DAXX: variants seen among roughly 807,000 people sequenced by gnomAD.
DAXX encodes the protein death domain associated protein.
DAXX carries 24 observed loss-of-function variants against 61.9 expected under a neutral mutation model. That is an observed-to-expected ratio of 0.39 (90% CI 0.28 to 0.55). The LOEUF is 0.55. Ranked by LOEUF, DAXX falls within the 20% of genes least tolerant of loss-of-function variation. DAXX has a pLI of 0.69. For synonymous variants in DAXX, 357 were observed against 369.5 expected (o/e 0.97, Z 0.39); for missense variants, 819 against 935.3 (o/e 0.88, Z 1.62).
Position 33,321,831 on chromosome 6 carries a change from G to A in DAXX, c.95C>T (p.Ala32Val). 1.2e-6 allele frequency: 2 copies of A among 1,612,086 alleles called. No individual in the cohort carries two copies. Among genetic ancestry groups the A allele is most frequent in the Non-Finnish European group, 1.7e-6 (2 of 1,178,684 alleles). The change falls in exon 2 of 8, where the codon GCC becomes GTC. Residue 32 changes from alanine to valine, a missense_variant. Coordinates refer to ENST00000374542, the MANE Select transcript of DAXX (RefSeq NM_001141969.2). The surrounding 1 kb of genome is among the most constrained non-coding windows in gnomAD (Gnocchi z 7.2). ...GCTAGGGGCTTCTGCCCCAGGTGAG[G>A]CCGCATTGGGGAGTGGGTGGGAGGG... ...PGPSHPLPNAASPGAEAPSSS... is the reference protein window; with the variant it reads ...PGPSHPLPNAVSPGAEAPSSS...
rs1770211730 is a variant in DAXX, at chr6:33,319,239, T to C, written c.1941-20A>G. On this transcript the variant is annotated intron_variant, in intron 6 of 7. Transcript: ENST00000374542. ...ACATAGCTAGAAACAGAAACATAAATATGTGGAGGGGTACGGGAAGACTGA... is the reference window on the plus strand; with the variant it reads ...ACATAGCTAGAAACAGAAACATAAACATGTGGAGGGGTACGGGAAGACTGA... 1 of 1,582,068 alleles carries C rather than the reference T, an allele frequency of 6.3e-7. No homozygotes were observed. Among genetic ancestry groups the C allele is most frequent in the Non-Finnish European group, 8.6e-7 (1 of 1,161,040 alleles).
At chr6:33,319,284 A>G (rs1241682700) in intron 6 of DAXX, 65 bp from the exon 7 acceptor site, 21 of 1,561,504 alleles carry the variant, frequency 1.3e-5, no homozygotes, top group Non-Finnish European at 1.8e-5. Context: ...GGGGCAGTCC[A>G]GTCTCTCCCA....
intron 1 of DAXX, chr6:33,322,646 A>G: frequency 3.0e-6 from 1 of 329,500 alleles, no homozygotes; most frequent in Admixed American, 4.6e-5. Flanking sequence ...CGCTCTCGCG[A>G]TTCCTCTTAG....
intron 6 of DAXX, 73 bp downstream of exon 6, chr6:33,319,307 C>G: frequency 6.4e-7 from 1 of 1,565,654 alleles, no homozygotes; most frequent in Non-Finnish European, 8.7e-7. Flanking sequence ...AGACTCAGTT[C>G]CCCAGTATTG....
At position 33,321,739 on chromosome 6, in the gene DAXX, TCTCCAG is replaced by T; in HGVS notation, c.181_186del (p.Leu61_Glu62del). 1 of 1,613,406 alleles carries T rather than the reference TCTCCAG, an allele frequency of 6.2e-7. No individual in the cohort carries two copies. The highest frequency in any genetic ancestry group is 8.5e-7 in the Non-Finnish European group (1 of 1,179,922). ...CTCACCTCTTCGAACAGCTTCTCAT[TCTCCAG>T]CTTGTAGCATTTCTTGCCGCCCGAA... is the stretch of plus-strand genomic sequence containing the variant. On this transcript the variant is annotated inframe_deletion, in exon 2 of 8. Coordinates refer to ENST00000374542, the MANE Select transcript of DAXX (RefSeq NM_001141969.2). This position sits in a 1 kb window ranked among gnomAD's most constrained non-coding sequence, Gnocchi z 7.2.
In DAXX at chr6:33,319,415, C is replaced by T. The variant is rs748299232; in HGVS notation, c.1905G>A (p.Glu635=). Residue 635 remains glutamate (E), a synonymous_variant, in exon 6 of 8, where the codon GAG becomes GAA. Coordinates refer to ENST00000374542, the MANE Select transcript of DAXX (RefSeq NM_001141969.2). ...SGPPCKKSRK[E]KKQTGSGPLG... ...ATGGCCCTGATCCTGTTTGCTTCTT[C>T]TCCTTCCGAGATTTTTTGCAGGGGG... The T allele has an allele frequency of 6.2e-7, 1 of 1,613,096 alleles. No individual in the cohort carries two copies. Among genetic ancestry groups the T allele is most frequent in the Non-Finnish European group, 8.5e-7 (1 of 1,179,984 alleles).
At chr6:33,322,665 C>G (rs1770771569) in intron 1 of DAXX, 197 bp downstream of exon 1, 2 of 376,544 alleles carry the variant, frequency 5.3e-6, no homozygotes, top group South Asian at 4.4e-5. Context: ...AGATCCCAAC[C>G]GTGGGTCCGG....
rs2150987687 is a variant in DAXX, at chr6:33,319,194, G to A, written c.1966C>T (p.His656Tyr). 18 of 1,607,148 alleles carry A rather than the reference G, an allele frequency of 1.1e-5. No individual in the cohort carries two copies. Among genetic ancestry groups the A allele is most frequent in the Non-Finnish European group, 1.5e-5 (18 of 1,174,996 alleles). The change falls in exon 7 of 8, where the codon CAT (histidine) becomes TAT (tyrosine). Residue 656 changes from histidine to tyrosine, a missense_variant. By Grantham distance (83) the His-to-Tyr change is moderately conservative. Transcript: ENST00000374542. ...NSYVERQRSV[H>Y]EKNGKKICTL... The stretch of plus-strand genomic sequence containing the variant: ...CATATCTTTTTCCCATTCTTCTCAT[G>A]CACTGACCTTTGCCTTTCCACATAG...
At position 33,319,199 on chromosome 6, in the gene DAXX, G is replaced by A. The variant is rs2150987718; in HGVS notation, c.1961C>T (p.Ser654Leu). 1 of 1,603,156 alleles carries A rather than the reference G, an allele frequency of 6.2e-7. No individual in the cohort carries two copies. Among genetic ancestry groups the A allele is most frequent in the Non-Finnish European group, 8.5e-7 (1 of 1,172,088 alleles). The change falls in exon 7 of 8, where the codon TCA (serine) becomes TTA (leucine). Residue 654 changes from serine to leucine, a missense_variant. Coordinates refer to ENST00000374542, the MANE Select transcript of DAXX (RefSeq NM_001141969.2). ...CTTTTTCCCATTCTTCTCATGCACT[G>A]ACCTTTGCCTTTCCACATAGCTAGA... ...LGNSYVERQR[S>L]VHEKNGKKIC...
chr6:33,320,342 A>G lies in DAXX; in HGVS notation c.1251+38T>C. ...ACTCCCTGGTGGCCAGTGCAGGGGAAGGACAATGTCTCTCTGAAGGCTGTA... is the reference window on the plus strand; with the variant it reads ...ACTCCCTGGTGGCCAGTGCAGGGGAGGGACAATGTCTCTCTGAAGGCTGTA... On this transcript the variant is annotated intron_variant, in intron 4 of 7. Coordinates refer to ENST00000374542, the MANE Select transcript of DAXX (RefSeq NM_001141969.2). The surrounding 1 kb of genome is among the most constrained non-coding windows in gnomAD (Gnocchi z 7.1). The G allele has an allele frequency of 6.7e-7, 1 of 1,500,996 alleles. No homozygotes were observed. Among genetic ancestry groups the G allele is most frequent in the Non-Finnish European group, 9.3e-7 (1 of 1,076,498 alleles). 93.0% of individuals were successfully genotyped at this position (1,500,996 alleles called of 1,614,324 possible).
rs1445822520 is a variant in DAXX at position 33,320,842 on chromosome 6, G to A, written c.933C>T (p.Leu311=). The A allele has an allele frequency of 1.2e-6, 2 of 1,614,214 alleles. No individual in the cohort carries two copies. The highest frequency in any genetic ancestry group is 3.3e-5 in the Admixed American group (2 of 60,026). The change falls in exon 3 of 8, where the codon CTC becomes CTT. Residue 311 remains leucine, a synonymous_variant. Transcript: ENST00000374542. The surrounding 1 kb of genome is among the most constrained non-coding windows in gnomAD (Gnocchi z 7.1). ...SLGLPRQQLQ[L]MAQDAFRDVG... Reference sequence around the variant, plus strand: ...CATCTCGGAAGGCATCCTGAGCCATGAGCTGGAGCTGCTGTCGGGGGAGGC... The same window carrying A: ...CATCTCGGAAGGCATCCTGAGCCATAAGCTGGAGCTGCTGTCGGGGGAGGC...
rs1333656115 is a variant in DAXX at position 33,320,626 on chromosome 6, C to T, written c.1040-35G>A. On this transcript the variant is annotated intron_variant, in intron 3 of 7. Transcript: ENST00000374542. This position sits in a 1 kb window ranked among gnomAD's most constrained non-coding sequence, Gnocchi z 7.1. ...AAGACATAAAGTCAGAGCACTCAGC[C>T]CTTGAAGGGACTAGAAGAGTAAAAA... The T allele has an allele frequency of 6.2e-7, 1 of 1,608,576 alleles. No individual in the cohort carries two copies. The highest frequency in any genetic ancestry group is 8.5e-7 in the Non-Finnish European group (1 of 1,177,148).
rs1562729939 is a variant in DAXX at position 33,321,611 on chromosome 6, A to AG, written c.208-45dup. On this transcript the variant is annotated intron_variant, in intron 2 of 7. Coordinates refer to ENST00000374542, the MANE Select transcript of DAXX (RefSeq NM_001141969.2). The surrounding 1 kb of genome is among the most constrained non-coding windows in gnomAD (Gnocchi z 7.2). ...GAAGGAAGGGGAAGAGAGACAAGGG[A>AG]GGGGGTTGAGAGAAAGGGGAGGTGG... 1.3e-6 allele frequency: 2 copies of AG among 1,568,724 alleles called. No individual in the cohort carries two copies. The highest frequency in any genetic ancestry group is 3.4e-5 in the Admixed American group (2 of 58,704).
chr6:33,321,625 AAG>A lies in DAXX; in HGVS notation c.208-60_208-59del. ...AGAGACAAGGGAGGGGGTTGAGAGA[AAG>A]GGGAGGTGGGGTTAGTGGGAAAGAA... is the stretch of plus-strand genomic sequence containing the variant. On this transcript the variant is annotated intron_variant, in intron 2 of 7. Transcript: ENST00000374542. The surrounding 1 kb of genome is among the most constrained non-coding windows in gnomAD (Gnocchi z 7.2). 1 of 1,599,330 alleles carries A rather than the reference AAG, an allele frequency of 6.3e-7. No individual in the cohort carries two copies. The highest frequency in any genetic ancestry group is 1.3e-5 in the African/African-American group (1 of 74,646).
chr6:33,321,665 C>A lies in DAXX; in HGVS notation c.207+54G>T. 5 of 1,601,134 alleles carry A rather than the reference C, an allele frequency of 3.1e-6. No homozygotes were observed. The highest frequency in any genetic ancestry group is 4.3e-6 in the Non-Finnish European group (5 of 1,171,196). ...TAGTGGGAAAGAAAGGACAGGAGAA[C>A]CAGTCAGCCATCCCCCTCCCTGGGG... On this transcript the variant is annotated intron_variant, in intron 2 of 7. Transcript: ENST00000374542. This position sits in a 1 kb window ranked among gnomAD's most constrained non-coding sequence, Gnocchi z 7.2.
In DAXX at chr6:33,321,657, CAGG is replaced by C; in HGVS notation, c.207+59_207+61del. On this transcript the variant is annotated intron_variant, in intron 2 of 7. Coordinates refer to ENST00000374542, the MANE Select transcript of DAXX (RefSeq NM_001141969.2). This position sits in a 1 kb window ranked among gnomAD's most constrained non-coding sequence, Gnocchi z 7.2. ...GGTGGGGTTAGTGGGAAAGAAAGGACAGGAGAACCAGTCAGCCATCCCCCTCCC... is the reference window on the plus strand; with the variant it reads ...GGTGGGGTTAGTGGGAAAGAAAGGACAGAACCAGTCAGCCATCCCCCTCCC... 1 of 1,600,388 alleles carries C rather than the reference CAGG, an allele frequency of 6.2e-7. No individual in the cohort carries two copies. The highest frequency in any genetic ancestry group is 1.7e-5 in the Admixed American group (1 of 59,700).
Position 33,321,676 on chromosome 6 carries a change from T to A in DAXX, c.207+43A>T. 6.2e-7 allele frequency: 1 copy of A among 1,600,576 alleles called. No individual in the cohort carries two copies. Among genetic ancestry groups the A allele is most frequent in the Non-Finnish European group, 8.5e-7 (1 of 1,170,574 alleles). On this transcript the variant is annotated intron_variant, in intron 2 of 7. Coordinates refer to ENST00000374542, the MANE Select transcript of DAXX (RefSeq NM_001141969.2). This position sits in a 1 kb window ranked among gnomAD's most constrained non-coding sequence, Gnocchi z 7.2. Reference sequence around the variant, plus strand: ...AAAGGACAGGAGAACCAGTCAGCCATCCCCCTCCCTGGGGTACAACAATCT... The same window carrying A: ...AAAGGACAGGAGAACCAGTCAGCCAACCCCCTCCCTGGGGTACAACAATCT...
In DAXX at chr6:33,320,776, G is replaced by A. The variant is rs763912560; in HGVS notation, c.999C>T (p.Ile333=). 6.2e-7 allele frequency: 1 copy of A among 1,614,232 alleles called. No individual in the cohort carries two copies. The highest frequency in any genetic ancestry group is 1.7e-5 in the Admixed American group (1 of 60,030). ...CTGTGAGGTGGCAGCCAAAGTTGTA[G>A]ATGAGATCGAGGTGACGTCGCTCCT... ...RLQERRHLDL[I]YNFGCHLTDD... The change falls in exon 3 of 8, where the codon ATC becomes ATT. Residue 333 remains isoleucine (I), a synonymous_variant. Coordinates refer to ENST00000374542, the MANE Select transcript of DAXX (RefSeq NM_001141969.2). This position sits in a 1 kb window ranked among gnomAD's most constrained non-coding sequence, Gnocchi z 7.1.
In DAXX at chr6:33,319,435, A is replaced by AG. The variant is rs1268651006; in HGVS notation, c.1884dup (p.Cys629LeufsTer29). The AG allele has an allele frequency of 1.2e-6, 2 of 1,613,118 alleles. No individual in the cohort carries two copies. Among genetic ancestry groups the AG allele is most frequent in the African/African-American group, 1.3e-5 (1 of 74,924 alleles). ...TTCTTCTCCTTCCGAGATTTTTTGC[A>AG]GGGGGGACCAGAATCTCCCCAGTTG... is the stretch of plus-strand genomic sequence containing the variant. On this transcript the variant is annotated frameshift_variant, in exon 6 of 8. Coordinates refer to ENST00000374542, the MANE Select transcript of DAXX (RefSeq NM_001141969.2). LOFTEE classifies it high-confidence loss of function.
Sources: gnomAD v4.1 joint callset for allele counts on GRCh38, gnomAD v4.1.1 for gene constraint, Gnocchi (gnomAD v3.1) non-coding constraint, MANE v1.5 for transcripts, NCBI Gene and HGNC (gene_info 2026-07-23, HGNC 2026-07-21) for gene names.